The following RGS7 variants were observed in gnomAD, a reference collection of about 807,000 sequenced individuals.
RGS7 encodes the protein regulator of G protein signaling 7.
RGS7 carries 27 observed loss-of-function variants against 81.1 expected under a neutral mutation model. That is an observed-to-expected ratio of 0.33 (90% confidence interval 0.25 to 0.46). The LOEUF is 0.46. Among genes scored for constraint, RGS7 ranks in the 20% least tolerant of loss-of-function variants. The pLI, the probability that RGS7 is intolerant of heterozygous loss-of-function variation, is 1.00. For missense variants in RGS7, 396 were observed against 607.4 expected (o/e 0.65, Z 3.66); for synonymous variants, 208 against 207.7 (o/e 1.00, Z -0.01).
chr1:241,257,072 T>C (rs2077089778), intron 2 of RGS7, among the ~76,000 whole-genome samples: 1 of 151,936 alleles, frequency 6.6e-6, no homozygotes, highest in African/African-American at 2.4e-5. Context: ...CACACACACA[T>C]TGCTTTTCTA....
intron 18 of RGS7, 79 bp from the exon 19 acceptor site, chr1:240,776,292 T>C: frequency 9.5e-7 from 1 of 1,049,308 alleles, no homozygotes; most frequent in Non-Finnish European, 1.5e-6. Flanking sequence ...GTAGCAACTA[T>C]TTACTGTAGC....
chr1:240,936,126 T>TGC (rs141401555), intron 5 of RGS7, among the ~76,000 whole-genome samples: 3,044 of 152,284 alleles, frequency 0.02, 94 homozygotes, highest in African/African-American at 0.069. Context: ...TGCAGTTGAG[T>TGC]GCACACACAC....
chr1:241,137,416 C>A lies in RGS7; in HGVS notation c.79-38654G>T, dbSNP rs980915145. On this transcript the variant is annotated intron_variant, in intron 2 of 18. Transcript: ENST00000440928. Reference sequence around the variant, plus strand: ...AAGATATGTAGAATGTTATTGATATCTTTATTCATTGTGTTCCTTTTATTG... The same window carrying A: ...AAGATATGTAGAATGTTATTGATATATTTATTCATTGTGTTCCTTTTATTG... 2.0e-5 allele frequency among the ~76,000 whole-genome samples: 3 copies of A among 152,148 alleles called. No homozygotes were observed. In the East Asian group the frequency reaches 5.8e-4, roughly 29 times the overall value.
intron 6 of RGS7, among the ~76,000 whole-genome samples, chr1:240,885,446 C>G (rs546126899): frequency 1.3e-5 from 2 of 152,068 alleles, no homozygotes; most frequent in African/African-American, 4.8e-5. Flanking sequence ...AAGACACATG[C>G]CAATGTTCAC....
chr1:241,119,673 T>C (rs370622961), intron 2 of RGS7, among the ~76,000 whole-genome samples: 12 of 152,346 alleles, frequency 7.9e-5, no homozygotes, highest in East Asian at 3.9e-4. Flanking sequence ...TTTGTTAATA[T>C]CACCACTGAT....
intron 6 of RGS7, among the ~76,000 whole-genome samples, chr1:240,893,088 T>C (rs187657606): frequency 6.6e-6 from 1 of 152,310 alleles, no homozygotes; most frequent in East Asian, 1.9e-4. Context: ...GATGTAGTTC[T>C]TGAACTCCCA....
intron 2 of RGS7, among the ~76,000 whole-genome samples, chr1:241,325,924 C>T (rs2081467892): frequency 1.3e-5 from 2 of 151,896 alleles, no homozygotes; most frequent in Admixed American, 1.3e-4. Context: ...TACATTTTTT[C>T]TTTTTTTTCA....
intron 2 of RGS7, among the ~76,000 whole-genome samples, chr1:241,147,780 T>TTTTTTATATATATATATATA (rs1428939736): frequency 2.2e-5 from 1 of 44,604 alleles, no homozygotes; most frequent in Non-Finnish European, 4.5e-5. Context: ...AGATTAAGTT[T>TTTTTTATATATATATATATA]TATATATATA....
chr1:240,919,282 AG>A (rs1292692235), intron 6 of RGS7, among the ~76,000 whole-genome samples: 21 of 152,164 alleles, frequency 1.4e-4, no homozygotes, highest in African/African-American at 5.1e-4. Flanking sequence ...CCAAAAAGGA[AG>A]ACTACAGACC....
intron 2 of RGS7, among the ~76,000 whole-genome samples, chr1:241,115,070 C>G (rs2065797597): frequency 6.6e-6 from 1 of 152,298 alleles, no homozygotes; most frequent in Middle Eastern, 3.4e-3. Flanking sequence ...TGTAACCAAT[C>G]ATTACATTGC....
chr1:240,894,147 T>C (rs978942182), intron 6 of RGS7, among the ~76,000 whole-genome samples: 4 of 152,148 alleles, frequency 2.6e-5, no homozygotes, highest in African/African-American at 9.7e-5. Context: ...CCTTCATGAG[T>C]GCTTATACAA....
At chr1:241,208,255 T>C (rs527506429) in intron 2 of RGS7, among the ~76,000 whole-genome samples, 1 of 152,240 alleles carries the variant, frequency 6.6e-6, no homozygotes, top group African/African-American at 2.4e-5. Context: ...GCATTGAGAA[T>C]ATGACATAAT....
intron 2 of RGS7, among the ~76,000 whole-genome samples, chr1:241,231,561 G>A (rs1251865064): frequency 9.9e-5 from 15 of 152,080 alleles, no homozygotes; most frequent in Non-Finnish European, 1.6e-4. Flanking sequence ...GTTTTGCCAT[G>A]TTGGGCAGGC....
intron 3 of RGS7, among the ~76,000 whole-genome samples, chr1:241,087,972 C>CTATA (rs1348702577): frequency 3.4e-4 from 31 of 90,564 alleles, no homozygotes; most frequent in African/African-American, 7.0e-4. Flanking sequence ...CTCTCTCTCT[C>CTATA]TCTCTATATA....
chr1:241,318,166 G>A lies in RGS7; in HGVS notation c.78+37533C>T, dbSNP rs115413859. Among the ~76,000 whole-genome samples, 395 of 152,260 alleles carry A rather than the reference G, an allele frequency of 2.6e-3. 2 individuals carry two copies. Among genetic ancestry groups the A allele is most frequent in the Middle Eastern group, 0.01 (3 of 294 alleles). On this transcript the variant is annotated intron_variant, in intron 2 of 18. Transcript: ENST00000440928. ...ATTCTGATAGAAATGGGCAAGTAAAGACATATATAGACAAAAGATTAAAAT... is the reference window on the plus strand; with the variant it reads ...ATTCTGATAGAAATGGGCAAGTAAAAACATATATAGACAAAAGATTAAAAT...
chr1:241,130,394 G>A (rs80297866), intron 2 of RGS7, among the ~76,000 whole-genome samples: 4,745 of 150,932 alleles, frequency 0.031, 254 homozygotes, highest in African/African-American at 0.11. Context: ...CTGTATGATG[G>A]ACCATTGTTC....
At chr1:241,310,405 G>A (rs2080443756) in intron 2 of RGS7, among the ~76,000 whole-genome samples, 1 of 150,648 alleles carries the variant, frequency 6.6e-6, no homozygotes, top group Admixed American at 6.6e-5. Flanking sequence ...GTGTGTTTGT[G>A]TGTCTGTGTG....
intron 4 of RGS7, among the ~76,000 whole-genome samples, chr1:240,949,502 T>A (rs1277046194): frequency 6.6e-6 from 1 of 152,026 alleles, no homozygotes; most frequent in Non-Finnish European, 1.5e-5. Flanking sequence ...ACACTCTCCC[T>A]CTCTCTACCC....
intron 2 of RGS7, among the ~76,000 whole-genome samples, chr1:241,149,442 C>G (rs1306280572): frequency 6.6e-6 from 1 of 152,188 alleles, no homozygotes; most frequent in African/African-American, 2.4e-5. Context: ...CAGGCATGAG[C>G]CACTGCACCC....
Sources: gnomAD v4.1 joint callset for allele counts (sites outside exome capture counted in the v4.1 genomes callset) on GRCh38, gnomAD v4.1.1 for gene constraint, MANE v1.5 for transcripts, NCBI Gene and HGNC (gene_info 2026-07-23, HGNC 2026-07-21) for gene names.